Variants in EPHA5 observed in about 807,000 individuals in gnomAD.
EPHA5 encodes ephrin type-A receptor 5.
Under a neutral mutation model 105.0 loss-of-function variants are expected in EPHA5, and 60 were observed. The observed-to-expected ratio is 0.57, with a 90% CI of 0.46 to 0.71. The LOEUF (loss-of-function observed/expected upper bound fraction) is 0.71. Ranked by LOEUF, EPHA5 falls within the 30% of genes least tolerant of loss-of-function variation. The pLI is 0.00. For synonymous variants in EPHA5, 513 were observed against 449.1 expected, an observed-to-expected ratio of 1.14 and a Z score of -1.80; for missense variants, 1,218 against 1,274.7, an observed-to-expected ratio of 0.96 and a Z score of 0.68.
At chr4:65,451,868 C>T (rs536812381) in intron 5 of EPHA5, among the ~76,000 whole-genome samples, 7 of 152,280 alleles carry the variant, frequency 4.6e-5, no homozygotes, top group Admixed American at 1.3e-4. Context: ...TTGGAAAAAT[C>T]AGACATGGGC....
chr4:65,639,602 T>C (rs1287433221), intron 2 of EPHA5, among the ~76,000 whole-genome samples: 1 of 152,208 alleles, frequency 6.6e-6, no homozygotes, highest in Non-Finnish European at 1.5e-5. Context: ...TTTGCTGAGT[T>C]TCCTGAATGT....
chr4:65,457,931 G>A (rs1011218555), intron 5 of EPHA5, among the ~76,000 whole-genome samples: 6 of 151,698 alleles, frequency 4.0e-5, no homozygotes, highest in Admixed American at 2.0e-4. Context: ...AAAGTTAGCC[G>A]GACTTGGTGA....
chr4:65,479,752 C>A (rs982164410), intron 5 of EPHA5, among the ~76,000 whole-genome samples: 7 of 151,788 alleles, frequency 4.6e-5, no homozygotes, highest in African/African-American at 1.7e-4. Context: ...TGGCCATAAG[C>A]AACATGTATG....
intron 1 of EPHA5, among the ~76,000 whole-genome samples, chr4:65,654,250 A>AC (rs1393651126): frequency 8.6e-5 from 13 of 151,948 alleles, no homozygotes; most frequent in South Asian, 2.1e-4. Context: ...TGAAAAAAAA[A>AC]AAAACAAAAC....
At chr4:65,622,102 T>A (rs1745753465) in intron 2 of EPHA5, among the ~76,000 whole-genome samples, 1 of 152,174 alleles carries the variant, frequency 6.6e-6, no homozygotes, top group African/African-American at 2.4e-5. Context: ...GCTCTGGGAA[T>A]ACTTACATTA....
At chr4:65,588,460 C>T (rs2149410070) in intron 3 of EPHA5, among the ~76,000 whole-genome samples, 1 of 152,256 alleles carries the variant, frequency 6.6e-6, no homozygotes, top group Non-Finnish European at 1.5e-5. Context: ...ACTATGATCT[C>T]CTGAGATCTG....
intron 5 of EPHA5, among the ~76,000 whole-genome samples, chr4:65,439,788 T>A (rs1418434177): frequency 6.6e-6 from 1 of 152,182 alleles, no homozygotes; most frequent in Admixed American, 6.6e-5. Context: ...TCTTCTATTT[T>A]CTTTCGTATT....
chr4:65,340,193 T>C (rs1179096041), intron 14 of EPHA5, among the ~76,000 whole-genome samples: 2 of 152,092 alleles, frequency 1.3e-5, no homozygotes, highest in Non-Finnish European at 2.9e-5. Flanking sequence ...CCAGCACACA[T>C]AGTTCATTAT....
At position 65,670,287 on chromosome 4, in the gene EPHA5, T is replaced by A. The variant is rs1389906797; in HGVS notation, c.-545A>T. The A allele has an allele frequency of 1.3e-5, 3 of 232,888 alleles. No individual in the cohort carries two copies. In the South Asian group the frequency reaches 5.5e-4, roughly 42 times the overall value. The allele number at this position is 232,888 out of a possible 1,614,324, so 14.4% of individuals were successfully genotyped here. A position where few individuals can be genotyped will look rare whatever the true frequency, so the allele number is the denominator to read the frequency against. ...AGCGAGCAAAAGCAAAGATCCAGAG[T>A]TCAAAGAGACTGGCAGAAGGAAATA... is the stretch of plus-strand genomic sequence containing the variant. On this transcript the variant is annotated 5_prime_UTR_variant, in exon 1 of 17. Coordinates refer to ENST00000613740, the MANE Select transcript of EPHA5 (RefSeq NM_001281766.3).
Position 65,640,282 on chromosome 4 carries a change from C to CTTTTTTTTTTTTT in EPHA5, c.246+3068_246+3080dup, listed in dbSNP as rs869149037. Among the ~76,000 whole-genome samples, 111 of 92,224 alleles carry CTTTTTTTTTTTTT rather than the reference C, an allele frequency of 1.2e-3. 2 individuals are homozygous for CTTTTTTTTTTTTT. Among genetic ancestry groups the CTTTTTTTTTTTTT allele is most frequent in the East Asian group, 3.2e-3 (9 of 2,822 alleles). 60.5% of individuals were successfully genotyped at this position (92,224 alleles called of 152,430 possible). On this transcript the variant is annotated intron_variant, in intron 2 of 16. Transcript: ENST00000613740. ...CATTGAAGTCATTGCTCAGTTTTTT[C>CTTTTTTTTTTTTT]TTTTTTTTTTTTTTTTTTTTTGAGA...
At chr4:65,555,099 C>A (rs896014918) in intron 3 of EPHA5, among the ~76,000 whole-genome samples, 1 of 148,544 alleles carries the variant, frequency 6.7e-6, no homozygotes, top group African/African-American at 2.5e-5. Context: ...AACATGAATT[C>A]ATTTCCACTA....
At chr4:65,585,566 G>A (rs1352169439) in intron 3 of EPHA5, among the ~76,000 whole-genome samples, 1 of 151,712 alleles carries the variant, frequency 6.6e-6, no homozygotes, top group Non-Finnish European at 1.5e-5. Context: ...TGAAATGGCA[G>A]GATACAAATA....
intron 2 of EPHA5, among the ~76,000 whole-genome samples, chr4:65,627,816 C>G (rs1746287297): frequency 6.6e-6 from 1 of 152,052 alleles, no homozygotes. Flanking sequence ...TACACAAAGT[C>G]TAACTATGAA....
intron 7 of EPHA5, among the ~76,000 whole-genome samples, chr4:65,411,728 G>A (rs1201659837): frequency 6.6e-6 from 1 of 152,096 alleles, no homozygotes; most frequent in Non-Finnish European, 1.5e-5. Flanking sequence ...GTGGATTTCA[G>A]AAAATACTAC....
intron 8 of EPHA5, among the ~76,000 whole-genome samples, chr4:65,390,469 G>T (rs1222667231): frequency 6.6e-6 from 1 of 151,898 alleles, no homozygotes; most frequent in Non-Finnish European, 1.5e-5. Flanking sequence ...TGCATGACAT[G>T]CCATACCTTC....
intron 3 of EPHA5, among the ~76,000 whole-genome samples, chr4:65,597,786 G>A (rs1242717140): frequency 6.6e-6 from 1 of 152,164 alleles, no homozygotes; most frequent in African/African-American, 2.4e-5. Context: ...AGTTAAATGA[G>A]AGGAAGTTAT....
At chr4:65,655,915 T>C (rs1749013470) in intron 1 of EPHA5, among the ~76,000 whole-genome samples, 1 of 152,136 alleles carries the variant, frequency 6.6e-6, no homozygotes, top group Admixed American at 6.6e-5. Context: ...ATCACATTGA[T>C]CTTCCATACA....
chr4:65,631,880 T>G (rs1016491413), intron 2 of EPHA5, among the ~76,000 whole-genome samples: 2 of 152,062 alleles, frequency 1.3e-5, no homozygotes, highest in African/African-American at 4.8e-5. Context: ...TTATATTGAT[T>G]TTAAATATAT....
At chr4:65,515,080 C>T (rs1428026653) in intron 3 of EPHA5, among the ~76,000 whole-genome samples, 4 of 152,180 alleles carry the variant, frequency 2.6e-5, no homozygotes, top group African/African-American at 9.7e-5. Context: ...AGTGCCCTGA[C>T]TCTACCAACT....
Sources: allele counts gnomAD v4.1 joint callset (sites outside exome capture counted in the v4.1 genomes callset), GRCh38; gene constraint gnomAD v4.1.1; transcripts MANE v1.5; gene names NCBI Gene and HGNC (gene_info 2026-07-23, HGNC 2026-07-21).